Variants in ABCA7 observed in about 807,000 individuals in gnomAD.
The protein encoded by ABCA7 is phospholipid-transporting ATPase ABCA7.
In ABCA7, 261 loss-of-function variants were observed where a neutral mutation model predicts 227.6. The ratio of observed to expected loss-of-function variants is 1.15; its 90% CI spans 1.04 to 1.27. ABCA7 has a LOEUF of 1.27. ABCA7 is among the 50% of genes most tolerant of loss of function. The pLI is 0.00. For missense variants in ABCA7, 3,331 were observed against 2,924.5 expected, an observed-to-expected ratio of 1.14 and a Z score of -3.21; for synonymous variants, 1,488 against 1,279.7, an observed-to-expected ratio of 1.16 and a Z score of -3.47.
rs1442394432 is a variant in ABCA7, at chr19:1,061,247, A to G, written c.5464-535A>G. ...CCCCGTCTCTACTAAAAATACAAAAATTAGCCGGGCTTGGTGGCACACGCC... is the reference window on the plus strand; with the variant it reads ...CCCCGTCTCTACTAAAAATACAAAAGTTAGCCGGGCTTGGTGGCACACGCC... On this transcript the variant is annotated intron_variant, in intron 40 of 46. Transcript: ENST00000263094. 3.3e-5 allele frequency among the ~76,000 whole-genome samples: 5 copies of G among 151,804 alleles called. No homozygotes were observed. In the East Asian group the frequency reaches 9.7e-4, roughly 29 times the overall value.
rs2040019650 is a variant in ABCA7, at chr19:1,041,390, T to C, written c.29T>C (p.Leu10Pro). 1 of 1,614,090 alleles carries C rather than the reference T, an allele frequency of 6.2e-7. No homozygotes were observed. Among genetic ancestry groups the C allele is most frequent in the South Asian group, 1.1e-5 (1 of 91,088 alleles). ...GCCTTCTGGACACAGCTGATGCTGC[T>C]GCTCTGGAAGAATTTCATGTATCGC... MAFWTQLMLLLWKNFMYRRR... is the reference protein window; with the variant it reads MAFWTQLMLPLWKNFMYRRR... The change falls in exon 2 of 47, where the codon CTG (leucine) becomes CCG (proline). Residue 10 changes from leucine to proline, a missense_variant. By Grantham distance (98) the Leu-to-Pro change is moderately conservative. Coordinates refer to ENST00000263094, the MANE Select transcript of ABCA7 (RefSeq NM_019112.4).
At chr19:1,044,958 G>A in intron 11 of ABCA7, 44 bp from the exon 12 acceptor site, 1 of 1,598,982 alleles carries the variant, frequency 6.3e-7, no homozygotes, top group South Asian at 1.1e-5. Flanking sequence ...GGTCTAGGAG[G>A]CAGGCGGACC....
chr19:1,060,717 A>C (rs1288801091), intron 40 of ABCA7, among the ~76,000 whole-genome samples: 2 of 151,928 alleles, frequency 1.3e-5, no homozygotes, highest in African/African-American at 4.8e-5. Context: ...ATGGGGTTTC[A>C]CAATGTTGGT....
intron 46 of ABCA7, 31 bp downstream of exon 46, chr19:1,065,202 A>G: frequency 2.5e-6 from 4 of 1,596,524 alleles, no homozygotes; most frequent in Non-Finnish European, 2.6e-6. Context: ...GGGCTGGGGG[A>G]GGCAGGCTGG....
At chr19:1,051,665 G>A (rs1568332721) in intron 21 of ABCA7, 79 bp downstream of exon 21, 2 of 1,420,466 alleles carry the variant, frequency 1.4e-6, no homozygotes, top group Non-Finnish European at 1.9e-6. Context: ...TTTGAGGAAT[G>A]AGTAGGAGTT....
In ABCA7 at chr19:1,047,017, T is replaced by G. The variant is rs200420300; in HGVS notation, c.1838T>G (p.Val613Gly). 4 of 1,566,244 alleles carry G rather than the reference T, an allele frequency of 2.6e-6. No homozygotes were observed. Among genetic ancestry groups the G allele is most frequent in the Non-Finnish European group, 2.6e-6 (3 of 1,158,568 alleles). Residue 613 changes from valine (V) to glycine (G), a missense_variant, in exon 14 of 47, where the codon GTG becomes GGG. By Grantham distance (109) the Val-to-Gly change is moderately radical. Transcript: ENST00000263094. ...FLLSAALLVL[V>G]LKLGDILPYS... ...CTCAGCGCCGCACTGCTGGTTCTGG[T>G]GCTCAAGGTGGGCGCGCCTCGGCCT...
chr19:1,048,951 G>A lies in ABCA7; in HGVS notation c.2326G>A (p.Gly776Arg), dbSNP rs149949633. Residue 776 changes from glycine to arginine, a missense_variant, in exon 17 of 47, where the codon GGA (glycine) becomes AGA (arginine). By Grantham distance (125) the Gly-to-Arg change is moderately radical. Transcript: ENST00000263094. ...TCCTTTTCGGAGGAGCTACTGGTGCGGACCTCGGCCCCCCAAGAGTCCAGC... is the reference window on the plus strand; with the variant it reads ...TCCTTTTCGGAGGAGCTACTGGTGCAGACCTCGGCCCCCCAAGAGTCCAGC... ...NFPFRRSYWCGPRPPKSPAPC... is the reference protein window; with the variant it reads ...NFPFRRSYWCRPRPPKSPAPC... The A allele has an allele frequency of 1.4e-4, 226 of 1,609,398 alleles. No homozygotes were observed. Among genetic ancestry groups the A allele is most frequent in the Non-Finnish European group, 1.8e-4 (212 of 1,178,388 alleles).
Position 1,062,254 on chromosome 19 carries a change from C to T in ABCA7, c.5653C>T (p.Arg1885Cys), listed in dbSNP as rs149423196. The T allele has an allele frequency of 2.0e-5, 32 of 1,611,542 alleles. No individual in the cohort carries two copies. The African/African-American group carries it at 3.5e-4, about 17-fold the overall frequency. The change falls in exon 42 of 47, where the codon CGC (arginine) becomes TGC (cysteine). Residue 1885 changes from arginine to cysteine, a missense_variant. Coordinates refer to ENST00000263094, the MANE Select transcript of ABCA7 (RefSeq NM_019112.4). ...TGCCATCTTTGAGCTGCTGACGGGC[C>T]GCGAGCACCTGGAGCTGCTTGCGCG... ...SDAIFELLTG[R>C]EHLELLARLR...
At chr19:1,061,961 C>T (rs2042685266) in intron 41 of ABCA7, 73 bp downstream of exon 41, 1 of 1,472,582 alleles carries the variant, frequency 6.8e-7, no homozygotes, top group Non-Finnish European at 9.1e-7. Flanking sequence ...CACCCCTCCA[C>T]CTCCAGTGAA....
chr19:1,049,032 GGTTGTCCACATATGCCCA>G (rs1184043344), intron 17 of ABCA7, 27 bp downstream of exon 17: 3 of 1,387,014 alleles, frequency 2.2e-6, no homozygotes, highest in Non-Finnish European at 3.0e-6. Flanking sequence ...CTTAATAGCT[GGTTGTCCACATATGCCCA>G]GTTCCCCCCC....
In ABCA7 at chr19:1,048,969, A is replaced by G; in HGVS notation, c.2344A>G (p.Ser782Gly). The G allele has an allele frequency of 1.2e-6, 2 of 1,607,586 alleles. No homozygotes were observed. Among genetic ancestry groups the G allele is most frequent in the East Asian group, 2.2e-5 (1 of 44,778 alleles). Residue 782 changes from serine to glycine, a missense_variant, in exon 17 of 47, where the codon AGT becomes GGT. By Grantham distance (56) the Ser-to-Gly change is moderately conservative. Coordinates refer to ENST00000263094, the MANE Select transcript of ABCA7 (RefSeq NM_019112.4). Reference sequence around the variant, plus strand: ...CTGGTGCGGACCTCGGCCCCCCAAGAGTCCAGCCCCTTGCCCCACCCCGCT... The same window carrying G: ...CTGGTGCGGACCTCGGCCCCCCAAGGGTCCAGCCCCTTGCCCCACCCCGCT... ...SYWCGPRPPK[S>G]PAPCPTPLDP...
chr19:1,044,286 T>G (rs1437178245), intron 10 of ABCA7, among the ~76,000 whole-genome samples: 1 of 137,342 alleles, frequency 7.3e-6, no homozygotes, highest in East Asian at 2.2e-4. Context: ...CTCACTCTGT[T>G]GCCCAGGCTG....
In ABCA7 at chr19:1,051,450, T is replaced by C. The variant is rs199747266; in HGVS notation, c.2826T>C (p.Gly942=). Residue 942 remains glycine, a splice_region_variant and synonymous_variant, in exon 21 of 47, where the codon GGT becomes GGC. Coordinates refer to ENST00000263094, the MANE Select transcript of ABCA7 (RefSeq NM_019112.4). ...KQSVQTRHLS[G]GMQRKLSVAI... ...AGGTCCCTTCCCCATCTCTACCAGGTGGGATGCAACGGAAGCTGTCCGTGG... is the reference window on the plus strand; with the variant it reads ...AGGTCCCTTCCCCATCTCTACCAGGCGGGATGCAACGGAAGCTGTCCGTGG... 5.7e-6 allele frequency: 9 copies of C among 1,581,430 alleles called. No homozygotes were observed. In the East Asian group the frequency reaches 2.0e-4, roughly 36 times the overall value.
chr19:1,042,898 G>C, intron 7 of ABCA7, 72 bp downstream of exon 7: 3 of 1,516,620 alleles, frequency 2.0e-6, no homozygotes, highest in Non-Finnish European at 2.7e-6. Context: ...GGAGGGTCTG[G>C]GGCAGCCCGG....
chr19:1,041,941 C>T lies in ABCA7; in HGVS notation c.271C>T (p.Pro91Ser). ...CFPQLTPGEE[P>S]GRLSNFNDSL... ...TCCGCAGCTGACACCGGGCGAGGAG[C>T]CCGGGCGCCTGAGCAACTTCAACGA... Residue 91 changes from proline (P) to serine (S), a missense_variant, in exon 4 of 47, where the codon CCC (proline) becomes TCC (serine). Physicochemically the swap from Pro to Ser is moderately conservative, Grantham distance 74 (BLOSUM62 -1). Transcript: ENST00000263094. 6.3e-7 allele frequency: 1 copy of T among 1,590,500 alleles called. No individual in the cohort carries two copies. Among genetic ancestry groups the T allele is most frequent in the Non-Finnish European group, 8.5e-7 (1 of 1,174,068 alleles).
rs1188057509 is a variant in ABCA7, at chr19:1,059,454, A to T, written c.5463+369A>T. On this transcript the variant is annotated intron_variant, in intron 40 of 46. Transcript: ENST00000263094. ...TAATTTTTTTGTATTTTTAGCAGAG[A>T]CGGGGTTTCACCGTGTTAGCCAGGA... Among the ~76,000 whole-genome samples, 34 of 150,214 alleles carry T rather than the reference A, an allele frequency of 2.3e-4. No homozygotes were observed. In the Admixed American group the frequency reaches 2.3e-3, roughly 10 times the overall value.
At chr19:1,055,843 C>T in intron 30 of ABCA7, 64 bp from the exon 31 acceptor site, 7 of 1,478,662 alleles carry the variant, frequency 4.7e-6, no homozygotes, top group Non-Finnish European at 6.4e-6. Context: ...GTGCTCCCCT[C>T]TCACCATCTC....
At chr19:1,060,207 A>ATATATTTTTTTTTTTTT in intron 40 of ABCA7, among the ~76,000 whole-genome samples, 2 of 96,766 alleles carry the variant, frequency 2.1e-5, no homozygotes, top group African/African-American at 7.0e-5. Context: ...ATATATATAT[A>ATATATTTTTTTTTTTTT]TTTTTTTTTC....
Position 1,058,234 on chromosome 19 carries a change from G to A in ABCA7, c.5114G>A (p.Arg1705Gln), listed in dbSNP as rs756673125. ...GGCCGGGGGCTCATTGACATGGTGCGGAACCAGGCCATGGCTGATGCCTTT... is the reference window on the plus strand; with the variant it reads ...GGCCGGGGGCTCATTGACATGGTGCAGAACCAGGCCATGGCTGATGCCTTT... The part of the protein sequence containing the change: ...CLGRGLIDMV[R>Q]NQAMADAFER... Residue 1705 changes from arginine (R) to glutamine (Q), a missense_variant, in exon 37 of 47, where the codon CGG (arginine) becomes CAG (glutamine). Transcript: ENST00000263094. The A allele has an allele frequency of 1.9e-5, 30 of 1,613,474 alleles. No individual in the cohort carries two copies. Among genetic ancestry groups the A allele is most frequent in the East Asian group, 4.5e-5 (2 of 44,854 alleles).
Sources: allele counts gnomAD v4.1 joint callset (sites outside exome capture counted in the v4.1 genomes callset), GRCh38; gene constraint gnomAD v4.1.1; transcripts MANE v1.5; gene names NCBI Gene and HGNC (gene_info 2026-07-23, HGNC 2026-07-21).